The following CTNNA2 variants were observed in gnomAD, a reference collection of about 807,000 sequenced individuals.
CTNNA2 encodes the protein catenin alpha-2.
A neutral mutation model predicts 101.0 loss-of-function variants in CTNNA2; 42 were observed. The ratio of observed to expected loss-of-function variants is 0.42; its 90% CI spans 0.32 to 0.54. The LOEUF (loss-of-function observed/expected upper bound fraction) is 0.54. CTNNA2 is among the 20% of genes least tolerant of loss of function. The pLI is 0.14. For synonymous variants in CTNNA2, 450 were observed against 456.4 expected, an observed-to-expected ratio of 0.99 and a Z score of 0.18; for missense variants, 871 against 1,223.1, an observed-to-expected ratio of 0.71 and a Z score of 4.29.
rs764229719 is a variant in CTNNA2 at position 79,905,607 on chromosome 2, T to TTGA, written c.853-3969_853-3967dup. On this transcript the variant is annotated intron_variant, in intron 6 of 18. Transcript: ENST00000402739. ...GGGAGGGGAATCTGGCTCCTGGATGTTGATGATGATGATGATGATGGTGAT... is the reference window on the plus strand; with the variant it reads ...GGGAGGGGAATCTGGCTCCTGGATGTTGATGATGATGATGATGATGATGGTGAT... 5.3e-5 allele frequency among the ~76,000 whole-genome samples: 8 copies of TTGA among 152,002 alleles called. 1 individual carries two copies. Among genetic ancestry groups the TTGA allele is most frequent in the East Asian group, 3.9e-4 (2 of 5,142 alleles).
intron 7 of CTNNA2, among the ~76,000 whole-genome samples, chr2:80,007,221 T>C (rs1370597666): frequency 6.6e-6 from 1 of 152,104 alleles, no homozygotes; most frequent in East Asian, 1.9e-4. Context: ...ACCGAGAAGA[T>C]TGAAGGATAT....
At chr2:79,927,502 A>G (rs1397905363) in intron 7 of CTNNA2, among the ~76,000 whole-genome samples, 1 of 152,190 alleles carries the variant, frequency 6.6e-6, no homozygotes, top group Non-Finnish European at 1.5e-5. Flanking sequence ...AATAACTAAA[A>G]TAACCTGAAG....
intron 1 of CTNNA2, among the ~76,000 whole-genome samples, chr2:79,621,722 T>C (rs1573498048): frequency 6.6e-6 from 1 of 152,156 alleles, no homozygotes; most frequent in Non-Finnish European, 1.5e-5. Context: ...CAGTATGGAA[T>C]TGGGGAGTAA....
chr2:80,340,363 C>T (rs1380824032), intron 7 of CTNNA2, among the ~76,000 whole-genome samples: 2 of 152,202 alleles, frequency 1.3e-5, no homozygotes, highest in Admixed American at 1.3e-4. Context: ...TGGCCTTTTG[C>T]TGTCTTCAAG....
At chr2:79,718,800 A>T (rs555846726) in intron 2 of CTNNA2, among the ~76,000 whole-genome samples, 2 of 149,982 alleles carry the variant, frequency 1.3e-5, no homozygotes, top group African/African-American at 4.9e-5. Flanking sequence ...TACAGCAAAT[A>T]TTTAAGGCAC....
intron 7 of CTNNA2, among the ~76,000 whole-genome samples, chr2:80,230,517 G>C (rs1709145112): frequency 1.3e-5 from 2 of 152,112 alleles, no homozygotes; most frequent in African/African-American, 4.8e-5. Flanking sequence ...CAAACAGTTT[G>C]TGGCATTTAT....
intron 7 of CTNNA2, among the ~76,000 whole-genome samples, chr2:80,188,944 CTTTTTTTTTTT>C (rs34090029): frequency 4.0e-5 from 3 of 74,688 alleles, no homozygotes; most frequent in Non-Finnish European, 7.0e-5. Flanking sequence ...CAGGTGGTCA[CTTTTTTTTTTT>C]TTTTTTTTTT....
intron 7 of CTNNA2, among the ~76,000 whole-genome samples, chr2:80,323,553 A>T (rs188336791): frequency 8.2e-4 from 124 of 152,144 alleles, no homozygotes; most frequent in African/African-American, 2.7e-3. Context: ...TCTATGCAGC[A>T]TCTGTGGTTT....
At chr2:80,612,172 C>G (rs1462769279) in intron 17 of CTNNA2, among the ~76,000 whole-genome samples, 3 of 151,456 alleles carry the variant, frequency 2.0e-5, no homozygotes, top group Non-Finnish European at 4.4e-5. Context: ...AGAGGTTTGA[C>G]AAGGTGAGCA....
rs1679717240 is a variant in CTNNA2 at position 79,840,499 on chromosome 2, G to C, written c.299-17514G>C. Among the ~76,000 whole-genome samples the C allele has an allele frequency of 2.0e-5, 3 of 152,130 alleles. No individual in the cohort carries two copies. In the South Asian group the frequency reaches 6.2e-4, roughly 32 times the overall value. On this transcript the variant is annotated intron_variant, in intron 3 of 18. Transcript: ENST00000402739. The stretch of plus-strand genomic sequence containing the variant: ...TTTCCTTCCAGGTATAAAGATGTTT[G>C]CTGAACTTTACATGCATTTCCAGGT...
chr2:79,322,356 A>T (rs1224389976), intron 3 of CTNNA2, among the ~76,000 whole-genome samples: 1 of 152,270 alleles, frequency 6.6e-6, no homozygotes, highest in Non-Finnish European at 1.5e-5. Context: ...CATTATCTAG[A>T]TATCTTTAAT....
Position 80,397,862 on chromosome 2 carries a change from A to G in CTNNA2, c.1137+4571A>G, listed in dbSNP as rs571441130. On this transcript the variant is annotated intron_variant, in intron 8 of 18. Coordinates refer to ENST00000402739, the MANE Select transcript of CTNNA2 (RefSeq NM_001282597.3). ...CTCTATCCTGCCTCTCCGTAGAACC[A>G]ACATAAGCATGTGGGTCAACCATAT... Among the ~76,000 whole-genome samples, 161 of 152,264 alleles carry G rather than the reference A, an allele frequency of 1.1e-3. 1 individual carries two copies. Among genetic ancestry groups the G allele is most frequent in the African/African-American group, 3.4e-3 (143 of 41,554 alleles).
chr2:80,137,216 C>G (rs1702744085), intron 7 of CTNNA2, among the ~76,000 whole-genome samples: 1 of 152,022 alleles, frequency 6.6e-6, no homozygotes, highest in Admixed American at 6.6e-5. Flanking sequence ...TACCACAGTC[C>G]AAGGTGGTAA....
At chr2:80,199,506 TTAA>T (rs1330331073) in intron 7 of CTNNA2, among the ~76,000 whole-genome samples, 2 of 152,208 alleles carry the variant, frequency 1.3e-5, no homozygotes, top group African/African-American at 4.8e-5. Context: ...TAGTAACCTG[TTAA>T]TAAGTCAGCT....
intron 4 of CTNNA2, among the ~76,000 whole-genome samples, chr2:79,454,364 A>G (rs1364907393): frequency 1.3e-5 from 2 of 152,156 alleles, no homozygotes; most frequent in Non-Finnish European, 2.9e-5. Context: ...TACATCTAAC[A>G]CACCCTCTCA....
rs578095061 is a variant in CTNNA2, at chr2:79,754,536, T to TGGGCATGTTCTTCTCGC, written c.298+9955_298+9971dup. Among the ~76,000 whole-genome samples the TGGGCATGTTCTTCTCGC allele has an allele frequency of 2.1e-4, 32 of 152,236 alleles. No homozygotes were observed. In the South Asian group the frequency reaches 6.4e-3, roughly 31 times the overall value. Reference sequence around the variant, plus strand: ...ATAAAGCAGCACAGTGTGGGGATGGTGGGCATGTTCTTCTCGCTCCTGCAG... The same window carrying TGGGCATGTTCTTCTCGC: ...ATAAAGCAGCACAGTGTGGGGATGGTGGGCATGTTCTTCTCGCGGGCATGTTCTTCTCGCTCCTGCAG... On this transcript the variant is annotated intron_variant, in intron 3 of 18. Coordinates refer to ENST00000402739, the MANE Select transcript of CTNNA2 (RefSeq NM_001282597.3).
chr2:79,396,797 A>G (rs56056701), intron 4 of CTNNA2, among the ~76,000 whole-genome samples: 1 of 152,180 alleles, frequency 6.6e-6, no homozygotes, highest in Non-Finnish European at 1.5e-5. Context: ...GAATATTCAA[A>G]ACAAGCCATT....
intron 7 of CTNNA2, among the ~76,000 whole-genome samples, chr2:80,115,267 A>G (rs1343543160): frequency 1.3e-5 from 2 of 152,114 alleles, no homozygotes; most frequent in Non-Finnish European, 2.9e-5. Context: ...TCATTCATTC[A>G]CTCTGCAAAT....
intron 18 of CTNNA2, among the ~76,000 whole-genome samples, chr2:80,634,448 G>A (rs1013085934): frequency 6.6e-6 from 1 of 151,720 alleles, no homozygotes; most frequent in African/African-American, 2.4e-5. Context: ...GTCTTTCTGA[G>A]CAGTAAACAA....
Sources: gnomAD v4.1 joint callset for allele counts (sites outside exome capture counted in the v4.1 genomes callset) on GRCh38, gnomAD v4.1.1 for gene constraint, MANE v1.5 for transcripts, NCBI Gene and HGNC (gene_info 2026-07-23, HGNC 2026-07-21) for gene names.